NCKAP5: variants seen among roughly 807,000 people sequenced by gnomAD.
The protein encoded by NCKAP5 is NCK associated protein 5, also known as nck-associated protein 5.
In NCKAP5, 92 loss-of-function variants were observed where a neutral mutation model predicts 167.0. That is an observed-to-expected ratio of 0.55 (90% CI 0.47 to 0.66). The LOEUF is 0.66. Among genes scored for constraint, NCKAP5 ranks in the 30% least tolerant of loss-of-function variants. The probability of loss-of-function intolerance (pLI) is 0.00; values close to 1 mark genes in which losing one functional copy is unlikely to be tolerated. For synonymous variants in NCKAP5, 891 were observed against 877.4 expected (o/e 1.02, Z -0.27); for missense variants, 2,378 against 2,315.0 (o/e 1.03, Z -0.56).
At position 133,541,067 on chromosome 2, in the gene NCKAP5, A is replaced by G. The variant is rs186383141; in HGVS notation, c.-62+17983T>C. Among the ~76,000 whole-genome samples the G allele has an allele frequency of 1.3e-3, 201 of 151,002 alleles. 1 individual carries two copies. Among genetic ancestry groups the G allele is most frequent in the African/African-American group, 4.5e-3 (186 of 41,368 alleles). On this transcript the variant is annotated intron_variant, in intron 2 of 19. Coordinates refer to ENST00000409261, the MANE Select transcript of NCKAP5 (RefSeq NM_207363.3). ...AAATCTTATTCTTTGTTATAAATAT[A>G]TAAGTATTTTATATATATAGACATT...
intron 6 of NCKAP5, among the ~76,000 whole-genome samples, chr2:133,088,789 G>T (rs1017851951): frequency 6.6e-6 from 1 of 152,158 alleles, no homozygotes; most frequent in African/African-American, 2.4e-5. Flanking sequence ...TATGTACAGA[G>T]AAATGCTATT....
chr2:133,313,388 T>A (rs1406129897), intron 3 of NCKAP5, among the ~76,000 whole-genome samples: 2 of 152,058 alleles, frequency 1.3e-5, no homozygotes, highest in Non-Finnish European at 2.9e-5. Context: ...ATTCTATTAA[T>A]AATAATGAAA....
intron 11 of NCKAP5, among the ~76,000 whole-genome samples, chr2:132,816,370 G>A (rs1486400949): frequency 6.6e-6 from 1 of 152,122 alleles, no homozygotes; most frequent in Admixed American, 6.5e-5. Flanking sequence ...AAATGCTTCA[G>A]TAGGTTCGTT....
rs143555989 is a variant in NCKAP5 at position 133,318,610 on chromosome 2, A to G, written c.70-15500T>C. Among the ~76,000 whole-genome samples, 229 of 152,274 alleles carry G rather than the reference A, an allele frequency of 1.5e-3. 1 individual carries two copies. Among genetic ancestry groups the G allele is most frequent in the African/African-American group, 5.3e-3 (220 of 41,550 alleles). On this transcript the variant is annotated intron_variant, in intron 3 of 19. Transcript: ENST00000409261. ...CTTCTCTCCTGAGGGGCCAAACCAA[A>G]TATGTGATGGAATATAGCTGTGGCA...
chr2:133,547,550 C>G (rs554371902), intron 2 of NCKAP5, among the ~76,000 whole-genome samples: 3,444 of 151,844 alleles, frequency 0.023, 101 homozygotes, highest in African/African-American at 0.079. Context: ...CAGACTGCCT[C>G]CTCAAGTGGG....
At chr2:133,005,923 C>G (rs2077950104) in intron 6 of NCKAP5, among the ~76,000 whole-genome samples, 1 of 151,998 alleles carries the variant, frequency 6.6e-6, no homozygotes. Context: ...ACAATTTTAC[C>G]TTGGTGAAAG....
At chr2:133,674,787 G>C in the NCKAP5 span, among the ~76,000 whole-genome samples, 8 of 152,078 alleles carry the variant, frequency 5.3e-5, no homozygotes, top group Non-Finnish European at 1.0e-4. Flanking sequence ...GGGGTTTTCG[G>C]ATCTTCCTTC....
intron 6 of NCKAP5, among the ~76,000 whole-genome samples, chr2:133,011,399 G>C (rs573457387): frequency 8.5e-5 from 13 of 152,322 alleles, no homozygotes; most frequent in African/African-American, 3.1e-4. Flanking sequence ...GCTGAAAGAA[G>C]AGCAGATTTA....
At chr2:133,517,708 T>C in intron 2 of NCKAP5, 121 bp from the exon 3 acceptor site, 1 of 396,258 alleles carries the variant, frequency 2.5e-6, no homozygotes, top group Non-Finnish European at 4.5e-6. Context: ...ATAATAAGTA[T>C]AGAACTAGGC....
At chr2:133,352,775 G>A (rs1684456103) in intron 3 of NCKAP5, among the ~76,000 whole-genome samples, 1 of 152,206 alleles carries the variant, frequency 6.6e-6, no homozygotes, top group Non-Finnish European at 1.5e-5. Flanking sequence ...ATCTGCTGGA[G>A]AAGACTCTGG....
chr2:133,397,016 A>G (rs1001938342), intron 3 of NCKAP5, among the ~76,000 whole-genome samples: 1 of 152,246 alleles, frequency 6.6e-6, no homozygotes, highest in Non-Finnish European at 1.5e-5. Flanking sequence ...TAAATATGTA[A>G]GGACAGACCT....
At position 133,545,628 on chromosome 2, in the gene NCKAP5, C is replaced by T. The variant is rs554718576; in HGVS notation, c.-62+13422G>A. On this transcript the variant is annotated intron_variant, in intron 2 of 19. Coordinates refer to ENST00000409261, the MANE Select transcript of NCKAP5 (RefSeq NM_207363.3). ...ACCTAGCACCCACTACTAGATCTAA[C>T]AATCTACCTTGTTATAATGCTTTCA... is the stretch of plus-strand genomic sequence containing the variant. Among the ~76,000 whole-genome samples the T allele has an allele frequency of 3.3e-5, 5 of 152,198 alleles. No individual in the cohort carries two copies. In the East Asian group the frequency reaches 9.7e-4, roughly 29 times the overall value.
chr2:133,446,309 T>C (rs1691190277), intron 3 of NCKAP5, among the ~76,000 whole-genome samples: 1 of 152,154 alleles, frequency 6.6e-6, no homozygotes, highest in South Asian at 2.1e-4. Flanking sequence ...GATATGATAT[T>C]AAAGAAGAAA....
At chr2:133,202,867 G>A (rs1472044222) in intron 5 of NCKAP5, among the ~76,000 whole-genome samples, 1 of 152,044 alleles carries the variant, frequency 6.6e-6, no homozygotes, top group East Asian at 1.9e-4. Flanking sequence ...TTAGAATGGT[G>A]ATCATTAAAA....
chr2:132,914,698 C>T (rs1302727428), intron 8 of NCKAP5, among the ~76,000 whole-genome samples: 1 of 152,044 alleles, frequency 6.6e-6, no homozygotes, highest in Non-Finnish European at 1.5e-5. Context: ...AGGTACTCAG[C>T]ACTTTAAGAC....
At chr2:133,271,872 T>C (rs1440646663) in intron 4 of NCKAP5, among the ~76,000 whole-genome samples, 2 of 152,288 alleles carry the variant, frequency 1.3e-5, no homozygotes, top group Middle Eastern at 3.4e-3. Flanking sequence ...CTAAAATATC[T>C]GGGGTTGAAG....
intron 6 of NCKAP5, among the ~76,000 whole-genome samples, chr2:133,102,581 G>A (rs1343697838): frequency 3.3e-5 from 5 of 152,138 alleles, no homozygotes; most frequent in Admixed American, 2.6e-4. Flanking sequence ...ATTTGTCCAA[G>A]ATCATTCCGC....
intron 16 of NCKAP5, among the ~76,000 whole-genome samples, chr2:132,752,785 C>T (rs1363064220): frequency 6.6e-6 from 1 of 152,148 alleles, no homozygotes; most frequent in Non-Finnish European, 1.5e-5. Flanking sequence ...TCAGGGTAAG[C>T]CAGCAAGCTG....
chr2:132,701,659 A>G (rs1687898892), intron 19 of NCKAP5, among the ~76,000 whole-genome samples: 1 of 152,198 alleles, frequency 6.6e-6, no homozygotes, highest in African/African-American at 2.4e-5. Context: ...TATGCCAGAC[A>G]CATATAAAGA....
Sources: allele counts gnomAD v4.1 joint callset (sites outside exome capture counted in the v4.1 genomes callset), GRCh38; gene constraint gnomAD v4.1.1; transcripts MANE v1.5; gene names NCBI Gene and HGNC (gene_info 2026-07-23, HGNC 2026-07-21).